BOLL: variants seen among roughly 807,000 people sequenced by gnomAD.
BOLL encodes the protein protein boule-like.
A neutral mutation model predicts 44.4 loss-of-function variants in BOLL; 23 were observed. The ratio of observed to expected loss-of-function variants is 0.52; its 90% CI spans 0.37 to 0.73. The LOEUF is 0.73. Ranked by LOEUF, BOLL falls within the 30% of genes least tolerant of loss-of-function variation. The pLI is 0.00. For missense variants in BOLL, 287 were observed against 338.3 expected (o/e 0.85, Z 1.19); for synonymous variants, 97 against 110.8 (o/e 0.88, Z 0.78).
At chr2:197,741,607 A>T (rs1223472548) in intron 10 of BOLL, among the ~76,000 whole-genome samples, 1 of 152,214 alleles carries the variant, frequency 6.6e-6, no homozygotes, top group South Asian at 2.1e-4. Flanking sequence ...CTGGCTAGCC[A>T]TATGTAGAAA....
intron 7 of BOLL, among the ~76,000 whole-genome samples, chr2:197,759,292 T>C (rs1029266442): frequency 1.4e-4 from 21 of 152,180 alleles, no homozygotes; most frequent in African/African-American, 4.8e-4. Flanking sequence ...CAGTTTCTTA[T>C]TGCAGGGAAA....
chr2:197,781,117 C>T (rs965922724), intron 2 of BOLL, among the ~76,000 whole-genome samples: 1 of 151,794 alleles, frequency 6.6e-6, no homozygotes, highest in Non-Finnish European at 1.5e-5. Context: ...ATTTTGGCAC[C>T]CAGGTACTAA....
chr2:197,771,658 A>G (rs997794173), intron 6 of BOLL, among the ~76,000 whole-genome samples, 197 bp downstream of exon 6: 38 of 152,146 alleles, frequency 2.5e-4, no homozygotes, highest in Non-Finnish European at 4.7e-4. Flanking sequence ...GGTAAGGAGA[A>G]TTGACCTGAA....
chr2:197,751,851 A>AAG, intron 9 of BOLL, among the ~76,000 whole-genome samples: 1 of 152,052 alleles, frequency 6.6e-6, no homozygotes, highest in African/African-American at 2.4e-5. Context: ...AAAAAAAAAA[A>AAG]GAAAATTTCA....
chr2:197,758,876 C>A, intron 7 of BOLL: 1 of 1,390,876 alleles, frequency 7.2e-7, no homozygotes, highest in Non-Finnish European at 9.8e-7. Flanking sequence ...ATACCTGTAT[C>A]TTACTTGGGG....
intron 4 of BOLL, among the ~76,000 whole-genome samples, chr2:197,776,319 T>A (rs1689511712): frequency 6.6e-6 from 1 of 151,972 alleles, no homozygotes; most frequent in Admixed American, 6.6e-5. Flanking sequence ...ATGTGCTTAA[T>A]TCAAGCATGA....
rs147424882 is a variant in BOLL, at chr2:197,771,645, G to T, written c.480+210C>A. Among the ~76,000 whole-genome samples, 1,029 of 152,102 alleles carry T rather than the reference G, an allele frequency of 6.8e-3. 5 individuals carry two copies. The highest frequency in any genetic ancestry group is 0.011 in the Non-Finnish European group (769 of 67,936). On this transcript the variant is annotated intron_variant, in intron 6 of 10. Coordinates refer to ENST00000392296, the MANE Select transcript of BOLL (RefSeq NM_033030.6). ...TGAACAGGAAAGAGGGTAAGGAAGT[G>T]GGGGTAAGGAGAATTGACCTGAAGC...
At chr2:197,761,737 C>T (rs186131521) in intron 7 of BOLL, among the ~76,000 whole-genome samples, 129 of 152,120 alleles carry the variant, frequency 8.5e-4, no homozygotes, top group African/African-American at 3.0e-3. Flanking sequence ...CACACATAGG[C>T]TGAAAGTGAA....
intron 7 of BOLL, among the ~76,000 whole-genome samples, chr2:197,758,723 A>T (rs936416500): frequency 7.2e-5 from 11 of 152,248 alleles, no homozygotes; most frequent in African/African-American, 2.7e-4. Flanking sequence ...ACTAAAATTA[A>T]TGAAGAGTGC....
Position 197,758,625 on chromosome 2 carries a change from C to A in BOLL, c.553-1225G>T, listed in dbSNP as rs759934134. On this transcript the variant is annotated intron_variant, in intron 7 of 10. Transcript: ENST00000392296. ...TTTATTTACAAAAACAGGCTGCTGG[C>A]TGGAGTTTGGTCTGCAAGCCATAGT... Among the ~76,000 whole-genome samples the A allele has an allele frequency of 1.1e-3, 175 of 152,224 alleles. 1 individual carries two copies. Among genetic ancestry groups the A allele is most frequent in the Non-Finnish European group, 1.9e-3 (127 of 68,014 alleles).
At chr2:197,763,378 A>C (rs1288035541) in intron 7 of BOLL, among the ~76,000 whole-genome samples, 1 of 151,642 alleles carries the variant, frequency 6.6e-6, no homozygotes, top group East Asian at 1.9e-4. Context: ...GCTACTCGGA[A>C]GGCTGAGGCA....
chr2:197,782,970 C>A (rs915459376), intron 1 of BOLL, among the ~76,000 whole-genome samples: 4 of 151,756 alleles, frequency 2.6e-5, no homozygotes, highest in Non-Finnish European at 1.5e-5. Context: ...TAAGCCTTTG[C>A]AGAATGGTAA....
chr2:197,735,956 C>T (rs563449278), intron 10 of BOLL, among the ~76,000 whole-genome samples: 130 of 152,182 alleles, frequency 8.5e-4, no homozygotes, highest in African/African-American at 3.0e-3. Context: ...ATGGGAAGTT[C>T]TTTGTGCATG....
intron 10 of BOLL, 36 bp from the exon 11 acceptor site, chr2:197,728,614 T>G (rs759573429): frequency 1.4e-6 from 2 of 1,437,172 alleles, no homozygotes; most frequent in South Asian, 2.4e-5. Context: ...TCAGGAAGAC[T>G]GAATGGAAAA....
intron 5 of BOLL, among the ~76,000 whole-genome samples, chr2:197,775,114 G>A (rs935166946): frequency 6.6e-6 from 1 of 151,770 alleles, no homozygotes; most frequent in Non-Finnish European, 1.5e-5. Flanking sequence ...AGTAGAAAGA[G>A]TGAGGAAAGA....
At chr2:197,777,004 T>G in intron 4 of BOLL, 55 bp downstream of exon 4, 2 of 1,330,950 alleles carry the variant, frequency 1.5e-6, no homozygotes, top group Non-Finnish European at 2.1e-6. Flanking sequence ...CCGAAAAGAT[T>G]AGTTTCAAAT....
chr2:197,779,972 T>C (rs1478798681), intron 2 of BOLL, among the ~76,000 whole-genome samples: 3 of 152,162 alleles, frequency 2.0e-5, no homozygotes, highest in South Asian at 2.1e-4. Context: ...ACATACACTA[T>C]TGGTTTTTAG....
At chr2:197,746,811 G>C (rs1376077437) in intron 9 of BOLL, among the ~76,000 whole-genome samples, 1 of 150,924 alleles carries the variant, frequency 6.6e-6, no homozygotes, top group Non-Finnish European at 1.5e-5. Context: ...GGGACAGGGG[G>C]ATCGCTTGAA....
At chr2:197,732,169 A>G (rs1390500596) in intron 10 of BOLL, among the ~76,000 whole-genome samples, 1 of 152,038 alleles carries the variant, frequency 6.6e-6, no homozygotes, top group African/African-American at 2.4e-5. Flanking sequence ...CCATCAGAGA[A>G]TACTACAAAC....
Sources: gnomAD v4.1 joint callset for allele counts (sites outside exome capture counted in the v4.1 genomes callset) on GRCh38, gnomAD v4.1.1 for gene constraint, MANE v1.5 for transcripts, NCBI Gene and HGNC (gene_info 2026-07-23, HGNC 2026-07-21) for gene names.